Variants in ANKFN1 observed in about 807,000 individuals in gnomAD.
The protein encoded by ANKFN1 is ankyrin repeat and fibronectin type-III domain-containing protein 1.
In ANKFN1, 74 loss-of-function variants were observed where a neutral mutation model predicts 108.7. That is an observed-to-expected ratio of 0.68 (90% confidence interval 0.56 to 0.83). ANKFN1 has a LOEUF of 0.83. ANKFN1 is among the 40% of genes least tolerant of loss of function. ANKFN1 has a pLI of 0.00. For missense variants in ANKFN1, 1,505 were observed against 1,382.3 expected (o/e 1.09, Z -1.41); for synonymous variants, 547 against 516.2 (o/e 1.06, Z -0.81).
intron 4 of ANKFN1, among the ~76,000 whole-genome samples, chr17:56,061,548 C>G (rs762175887): frequency 6.6e-6 from 1 of 152,126 alleles, no homozygotes; most frequent in Non-Finnish European, 1.5e-5. Context: ...GCTGGGATTA[C>G]AGGCATGAGC....
At chr17:56,107,843 C>A (rs946126483) in intron 4 of ANKFN1, among the ~76,000 whole-genome samples, 1 of 152,092 alleles carries the variant, frequency 6.6e-6, no homozygotes, top group African/African-American at 2.4e-5. Flanking sequence ...TCCTATAGCA[C>A]CTTTTTTAAA....
intron 1 of ANKFN1, among the ~76,000 whole-genome samples, chr17:56,182,787 T>G (rs1911809194): frequency 6.6e-6 from 1 of 152,184 alleles, no homozygotes; most frequent in African/African-American, 2.4e-5. Context: ...AGAATAGAAG[T>G]CAATGCCTGG....
intron 4 of ANKFN1, among the ~76,000 whole-genome samples, chr17:56,337,654 G>A (rs1234402530): frequency 6.6e-6 from 1 of 152,102 alleles, no homozygotes; most frequent in Non-Finnish European, 1.5e-5. Context: ...GATATGGACA[G>A]ACACTTCTCA....
intron 8 of ANKFN1, among the ~76,000 whole-genome samples, chr17:56,393,726 G>A (rs550715489): frequency 6.6e-6 from 1 of 152,356 alleles, no homozygotes; most frequent in South Asian, 2.1e-4. Context: ...GGAGCATATA[G>A]TTAAGATGTC....
At chr17:56,086,773 G>A (rs893972691) in intron 4 of ANKFN1, among the ~76,000 whole-genome samples, 2 of 151,364 alleles carry the variant, frequency 1.3e-5, no homozygotes, top group Admixed American at 6.6e-5. Flanking sequence ...GGCAGTAGAT[G>A]ACTGTTCTAG....
At chr17:56,229,043 A>G (rs1418096544) in intron 3 of ANKFN1, among the ~76,000 whole-genome samples, 1 of 152,122 alleles carries the variant, frequency 6.6e-6, no homozygotes, top group Non-Finnish European at 1.5e-5. Context: ...TGATTTCCCT[A>G]GGGGTTGGTT....
At chr17:56,344,661 G>T (rs1455464519) in intron 4 of ANKFN1, among the ~76,000 whole-genome samples, 1 of 151,288 alleles carries the variant, frequency 6.6e-6, no homozygotes, top group Non-Finnish European at 1.5e-5. Flanking sequence ...CTTTGTTTTT[G>T]GAAAGAAAAA....
intron 3 of ANKFN1, among the ~76,000 whole-genome samples, chr17:56,238,202 C>T (rs907770454): frequency 1.3e-5 from 2 of 151,884 alleles, no homozygotes; most frequent in Non-Finnish European, 1.5e-5. Flanking sequence ...ATTGTGTGGT[C>T]GATTTTAAAG....
At chr17:56,057,407 A>C (rs1185425875) in intron 4 of ANKFN1, among the ~76,000 whole-genome samples, 1 of 152,208 alleles carries the variant, frequency 6.6e-6, no homozygotes, top group Non-Finnish European at 1.5e-5. Context: ...CGATATACTT[A>C]AGAAGTATAT....
upstream of ANKFN1, among the ~76,000 whole-genome samples, chr17:56,153,284 T>C (rs59349979): frequency 0.014 from 2,159 of 152,296 alleles, 66 homozygotes; most frequent in African/African-American, 0.05. Flanking sequence ...TTGAAAACGA[T>C]TTCTTTGTCA....
intron 4 of ANKFN1, among the ~76,000 whole-genome samples, chr17:56,116,325 A>G (rs1435082648): frequency 6.6e-6 from 1 of 152,142 alleles, no homozygotes; most frequent in Non-Finnish European, 1.5e-5. Context: ...AACAGGATGT[A>G]CCTTTTTACA....
At chr17:56,506,526 G>A (rs749502363) in intron 20 of ANKFN1, among the ~76,000 whole-genome samples, 2 of 151,968 alleles carry the variant, frequency 1.3e-5, no homozygotes, top group Non-Finnish European at 2.9e-5. Context: ...CAGAGGGAGT[G>A]TGGCCTTGCT....
chr17:56,294,987 C>A (rs112594522), intron 3 of ANKFN1, among the ~76,000 whole-genome samples: 1,547 of 152,308 alleles, frequency 0.01, 10 homozygotes, highest in South Asian at 0.035. Flanking sequence ...CAGAAAATGA[C>A]TGAGTTTGTT....
intron 2 of ANKFN1, among the ~76,000 whole-genome samples, chr17:56,220,296 T>C (rs1915740988): frequency 6.6e-6 from 1 of 152,192 alleles, no homozygotes; most frequent in Non-Finnish European, 1.5e-5. Context: ...GAAGCTATGT[T>C]AATGCAATGG....
chr17:56,468,426 GT>G lies in ANKFN1; in HGVS notation c.1773+1865del, dbSNP rs201930337. Among the ~76,000 whole-genome samples, 692 of 147,818 alleles carry G rather than the reference GT, an allele frequency of 4.7e-3. 5 individuals are homozygous for G. Among genetic ancestry groups the G allele is most frequent in the South Asian group, 0.02 (93 of 4,608 alleles). Reference sequence around the variant, plus strand: ...AAACTGTTTCTTTTTTTCTTTCTCTGTTTTTTTTTTAATCCAGTGATAGGGA... The same window carrying G: ...AAACTGTTTCTTTTTTTCTTTCTCTGTTTTTTTTTAATCCAGTGATAGGGA... On this transcript the variant is annotated intron_variant, in intron 15 of 20. Coordinates refer to ENST00000682825, the MANE Select transcript of ANKFN1 (RefSeq NM_001370326.1).
At chr17:56,372,004 G>A (rs778595997) in intron 6 of ANKFN1, among the ~76,000 whole-genome samples, 3 of 152,118 alleles carry the variant, frequency 2.0e-5, no homozygotes, top group Non-Finnish European at 4.4e-5. Flanking sequence ...ATCAATTTCT[G>A]ATCACATTCA....
At chr17:56,171,788 G>A (rs1001011939) in intron 1 of ANKFN1, among the ~76,000 whole-genome samples, 2 of 152,142 alleles carry the variant, frequency 1.3e-5, no homozygotes, top group Non-Finnish European at 2.9e-5. Flanking sequence ...ATAGAAAACA[G>A]CAGGGAAACA....
intron 4 of ANKFN1, among the ~76,000 whole-genome samples, chr17:56,063,145 G>C (rs923102808): frequency 1.3e-5 from 2 of 151,996 alleles, no homozygotes; most frequent in African/African-American, 4.8e-5. Context: ...CTTTCTCTCA[G>C]GCTGCCCTTA....
intron 14 of ANKFN1, among the ~76,000 whole-genome samples, chr17:56,461,173 G>C (rs1548810): frequency 0.71 from 108,486 of 152,118 alleles, 39,175 homozygotes; most frequent in East Asian, 0.97. Context: ...ATTCCAAACA[G>C]TCTAGTATTT....
Sources: allele counts gnomAD v4.1 joint callset (sites outside exome capture counted in the v4.1 genomes callset), GRCh38; gene constraint gnomAD v4.1.1; transcripts MANE v1.5; gene names NCBI Gene and HGNC (gene_info 2026-07-23, HGNC 2026-07-21).